Variants in CDH7 observed in about 807,000 individuals in gnomAD.
CDH7 encodes the protein cadherin 7.
CDH7 carries 25 observed loss-of-function variants against 71.8 expected under a neutral mutation model. The observed-to-expected ratio is 0.35, with a 90% CI of 0.25 to 0.49. The LOEUF (loss-of-function observed/expected upper bound fraction) is 0.49, where lower values mean the gene tolerates loss of function less well. CDH7 is among the 20% of genes least tolerant of loss of function. CDH7 has a pLI of 0.99. For synonymous variants in CDH7, 381 were observed against 363.8 expected (o/e 1.05, Z -0.54); for missense variants, 862 against 974.6 (o/e 0.88, Z 1.54).
intron 7 of CDH7, among the ~76,000 whole-genome samples, chr18:65,850,173 A>ATATATATATATATATATATATATATATAT (rs145348057): frequency 4.6e-5 from 3 of 65,308 alleles, no homozygotes; most frequent in African/African-American, 1.9e-4. Context: ...CACTATATAT[A>ATATATATATATATATATATATATATATAT]ATATATATAT....
chr18:65,830,357 A>G (rs888681830), intron 6 of CDH7, among the ~76,000 whole-genome samples: 2 of 152,194 alleles, frequency 1.3e-5, no homozygotes, highest in Admixed American at 1.3e-4. Flanking sequence ...TAGAAAATTA[A>G]AATATTTGCT....
intron 11 of CDH7, among the ~76,000 whole-genome samples, chr18:65,875,866 A>G (rs888947428): frequency 1.3e-5 from 2 of 152,112 alleles, no homozygotes. Flanking sequence ...GAGGTCGAGG[A>G]TACAGTGAGC....
intron 2 of CDH7, among the ~76,000 whole-genome samples, chr18:65,793,518 A>C (rs74755089): frequency 0.034 from 5,217 of 152,198 alleles, 301 homozygotes; most frequent in African/African-American, 0.12. Context: ...TTCTCTCTGC[A>C]TTAAAAGCCT....
chr18:65,757,882 T>G (rs1023173810), intron 1 of CDH7, among the ~76,000 whole-genome samples: 1 of 152,172 alleles, frequency 6.6e-6, no homozygotes, highest in Non-Finnish European at 1.5e-5. Context: ...CTCATTTTTT[T>G]CTGACATGAA....
chr18:65,755,655 A>G (rs1380248650), intron 1 of CDH7, among the ~76,000 whole-genome samples: 2 of 152,184 alleles, frequency 1.3e-5, no homozygotes, highest in African/African-American at 2.4e-5. Flanking sequence ...GGATTAGAAT[A>G]TATTTTCCCC....
intron 2 of CDH7, among the ~76,000 whole-genome samples, chr18:65,768,830 C>T (rs574970402): frequency 6.6e-6 from 1 of 152,150 alleles, no homozygotes; most frequent in East Asian, 1.9e-4. Flanking sequence ...AGGCTGATTA[C>T]CTGAAAGAAA....
At chr18:65,873,789 C>T (rs554046503) in intron 11 of CDH7, among the ~76,000 whole-genome samples, 20 of 152,304 alleles carry the variant, frequency 1.3e-4, no homozygotes, top group Admixed American at 3.9e-4. Flanking sequence ...CCTCAAGTCA[C>T]ATTTCAAATG....
intron 2 of CDH7, among the ~76,000 whole-genome samples, chr18:65,792,424 T>C (rs1343078272): frequency 2.0e-5 from 3 of 152,074 alleles, no homozygotes; most frequent in Non-Finnish European, 4.4e-5. Context: ...CAGAGAAGCT[T>C]GCAGGTGAGG....
At chr18:65,871,891 T>C (rs967033575) in intron 11 of CDH7, among the ~76,000 whole-genome samples, 2 of 152,040 alleles carry the variant, frequency 1.3e-5, no homozygotes, top group Admixed American at 6.6e-5. Context: ...AAGAGATAGA[T>C]GAGAGATTTA....
At chr18:65,852,788 G>T (rs889096374) in intron 7 of CDH7, among the ~76,000 whole-genome samples, 5 of 151,974 alleles carry the variant, frequency 3.3e-5, no homozygotes, top group Non-Finnish European at 7.4e-5. Flanking sequence ...ATAATTATTA[G>T]GCATGCAAAT....
chr18:65,835,812 A>G (rs1820385520), intron 6 of CDH7, among the ~76,000 whole-genome samples: 2 of 152,208 alleles, frequency 1.3e-5, no homozygotes, highest in African/African-American at 4.8e-5. Context: ...TAGACACAAT[A>G]ATGCCTCCTC....
chr18:65,796,318 T>A (rs1298471735), intron 2 of CDH7, among the ~76,000 whole-genome samples: 1 of 138,630 alleles, frequency 7.2e-6, no homozygotes, highest in Non-Finnish European at 1.6e-5. Flanking sequence ...TAGAATAAAT[T>A]TTTTTTGGAT....
intron 4 of CDH7, among the ~76,000 whole-genome samples, chr18:65,817,620 G>T (rs1299466609): frequency 6.6e-6 from 1 of 152,128 alleles, no homozygotes; most frequent in Non-Finnish European, 1.5e-5. Flanking sequence ...AACAAAATGA[G>T]CATCCAAAAA....
chr18:65,856,172 T>C (rs1773042250), intron 7 of CDH7, among the ~76,000 whole-genome samples: 1 of 152,270 alleles, frequency 6.6e-6, no homozygotes, highest in East Asian at 1.9e-4. Context: ...ATCAAATGAC[T>C]GTAGACCCAG....
intron 6 of CDH7, among the ~76,000 whole-genome samples, chr18:65,831,671 C>T (rs960709584): frequency 2.0e-5 from 3 of 152,024 alleles, no homozygotes; most frequent in Non-Finnish European, 2.9e-5. Flanking sequence ...GCTTTCACAG[C>T]AACAGGAATC....
intron 2 of CDH7, among the ~76,000 whole-genome samples, chr18:65,765,993 A>G (rs1021099603): frequency 3.3e-5 from 5 of 152,128 alleles, no homozygotes; most frequent in Admixed American, 6.5e-5. Context: ...TATTAATTAT[A>G]AATTAACTTA....
intron 2 of CDH7, among the ~76,000 whole-genome samples, chr18:65,770,991 G>C (rs1356399551): frequency 6.6e-6 from 1 of 152,146 alleles, no homozygotes; most frequent in Non-Finnish European, 1.5e-5. Flanking sequence ...GTCAGTTTCT[G>C]GTGAGTGCTC....
At chr18:65,814,169 A>G (rs79674098) in intron 3 of CDH7, among the ~76,000 whole-genome samples, 2,442 of 152,190 alleles carry the variant, frequency 0.016, 55 homozygotes, top group African/African-American at 0.055. Flanking sequence ...CCTGAGCCCA[A>G]TGGATGAGAC....
At chr18:65,752,237 G>T (rs1915904515) in intron 1 of CDH7, among the ~76,000 whole-genome samples, 1 of 152,208 alleles carries the variant, frequency 6.6e-6, no homozygotes, top group South Asian at 2.1e-4. Context: ...CAAAAAATAA[G>T]AGAAAAATGT....
Sources: allele counts gnomAD v4.1 joint callset (sites outside exome capture counted in the v4.1 genomes callset), GRCh38; gene constraint gnomAD v4.1.1; transcripts MANE v1.5; gene names NCBI Gene and HGNC (gene_info 2026-07-23, HGNC 2026-07-21).